DLGAP1: variants seen among roughly 807,000 people sequenced by gnomAD.
The protein encoded by DLGAP1 is DLG associated protein 1.
A neutral mutation model predicts 90.8 loss-of-function variants in DLGAP1; 11 were observed. That is an observed-to-expected ratio of 0.12 (90% CI 0.08 to 0.20). DLGAP1 has a LOEUF of 0.20. DLGAP1 is among the 10% of genes least tolerant of loss of function. The pLI, the probability that DLGAP1 is intolerant of heterozygous loss-of-function variation, is 1.00. For synonymous variants in DLGAP1, 558 were observed against 540.7 expected, an observed-to-expected ratio of 1.03 and a Z score of -0.44; for missense variants, 1,050 against 1,333.8, an observed-to-expected ratio of 0.79 and a Z score of 3.31.
intron 1 of DLGAP1, among the ~76,000 whole-genome samples, chr18:4,331,560 T>C (rs2080952959): frequency 6.6e-6 from 1 of 151,762 alleles, no homozygotes; most frequent in African/African-American, 2.4e-5. Flanking sequence ...CTTAAATACA[T>C]GGCATTATGA....
chr18:3,644,191 T>C (rs939472985), intron 7 of DLGAP1, among the ~76,000 whole-genome samples: 1 of 152,198 alleles, frequency 6.6e-6, no homozygotes, highest in African/African-American at 2.4e-5. Context: ...AGAGACTGTG[T>C]GGAGCAGGAA....
chr18:3,694,041 C>G (rs9964324), intron 7 of DLGAP1, among the ~76,000 whole-genome samples: 2,705 of 148,638 alleles, frequency 0.018, 88 homozygotes, highest in African/African-American at 0.067. Flanking sequence ...GCCACCCCCC[C>G]CTCAGCCCCC....
chr18:3,834,770 G>T (rs1400458386), intron 4 of DLGAP1, among the ~76,000 whole-genome samples: 1 of 152,150 alleles, frequency 6.6e-6, no homozygotes, highest in African/African-American at 2.4e-5. Flanking sequence ...TGTACTATTT[G>T]AATTTTTTTC....
chr18:3,641,234 A>G (rs2058926501), intron 7 of DLGAP1, among the ~76,000 whole-genome samples: 1 of 151,790 alleles, frequency 6.6e-6, no homozygotes, highest in South Asian at 2.1e-4. Context: ...AAGGATTCTC[A>G]GGGCAGTCAT....
intron 4 of DLGAP1, chr18:3,845,421 C>G (rs549219560): frequency 2.1e-5 from 28 of 1,361,112 alleles, no homozygotes; most frequent in Non-Finnish European, 2.5e-5. Context: ...TCATGGCTCA[C>G]AACTCAAGAT....
In DLGAP1 at chr18:4,454,531, A is replaced by G. The variant is rs1402476593; in HGVS notation, c.-267+475T>C. ...AAATGTCACCCAAAAAGCTAGTGCA[A>G]CAACTTGCTTTGCAAACGACCCAGG... is the stretch of plus-strand genomic sequence containing the variant. On this transcript the variant is annotated intron_variant, in intron 1 of 12. Coordinates refer to ENST00000315677, the MANE Select transcript of DLGAP1 (RefSeq NM_004746.4). This position sits in a 1 kb window ranked among gnomAD's most constrained non-coding sequence, Gnocchi z 4.7. 6.6e-6 allele frequency among the ~76,000 whole-genome samples: 1 copy of G among 152,160 alleles called. No homozygotes were observed. Among genetic ancestry groups the G allele is most frequent in the Non-Finnish European group, 1.5e-5 (1 of 68,030 alleles).
chr18:4,215,414 C>G (rs2077932640), intron 1 of DLGAP1, among the ~76,000 whole-genome samples: 1 of 152,110 alleles, frequency 6.6e-6, no homozygotes, highest in Non-Finnish European at 1.5e-5. Context: ...AAGATATTAA[C>G]AAATAACTAA....
intron 2 of DLGAP1, among the ~76,000 whole-genome samples, chr18:4,052,553 A>G (rs1055159927): frequency 6.6e-6 from 1 of 152,118 alleles, no homozygotes; most frequent in Non-Finnish European, 1.5e-5. Flanking sequence ...TTTCTCTCCT[A>G]GTCCTCCAGG....
chr18:3,612,530 G>A (rs561146994), intron 7 of DLGAP1, among the ~76,000 whole-genome samples: 14 of 152,256 alleles, frequency 9.2e-5, no homozygotes, highest in African/African-American at 1.9e-4. Flanking sequence ...ATGCCATCCC[G>A]TATCCATGGC....
intron 1 of DLGAP1, among the ~76,000 whole-genome samples, chr18:4,225,604 T>G (rs2078170194): frequency 6.6e-6 from 1 of 151,768 alleles, no homozygotes; most frequent in African/African-American, 2.4e-5. Flanking sequence ...TTAACAAAAA[T>G]ACTTAAATTA....
At chr18:3,843,707 A>G (rs1350127400) in intron 4 of DLGAP1, among the ~76,000 whole-genome samples, 7 of 152,352 alleles carry the variant, frequency 4.6e-5, no homozygotes, top group Non-Finnish European at 2.9e-5. Context: ...TGAGCCTCCA[A>G]TATAGTTTTA....
At chr18:3,602,593 CAAAAAAAAA>C (rs71159102) in intron 7 of DLGAP1, among the ~76,000 whole-genome samples, 211 of 66,688 alleles carry the variant, frequency 3.2e-3, no homozygotes, top group African/African-American at 0.012. Flanking sequence ...AGACTCCGTC[CAAAAAAAAA>C]AAAAAAAAAA....
chr18:4,006,333 A>G (rs944280885), intron 2 of DLGAP1, among the ~76,000 whole-genome samples: 3 of 152,210 alleles, frequency 2.0e-5, no homozygotes, highest in African/African-American at 4.8e-5. Context: ...TCTTAGAAAA[A>G]GTCCAAGAAG....
At chr18:4,201,173 G>A (rs2077599592) in intron 1 of DLGAP1, among the ~76,000 whole-genome samples, 1 of 151,706 alleles carries the variant, frequency 6.6e-6, no homozygotes, top group Non-Finnish European at 1.5e-5. Context: ...ATTTATTCTT[G>A]CTTTTGAGGC....
intron 1 of DLGAP1, among the ~76,000 whole-genome samples, chr18:4,291,297 C>G (rs1219398997): frequency 6.6e-6 from 1 of 152,162 alleles, no homozygotes; most frequent in Non-Finnish European, 1.5e-5. Flanking sequence ...ACTGGCATTT[C>G]TTTGGTTTTG....
Position 4,389,111 on chromosome 18 carries a change from C to G in DLGAP1, c.-267+65895G>C, listed in dbSNP as rs977348304. Among the ~76,000 whole-genome samples, 4 of 152,152 alleles carry G rather than the reference C, an allele frequency of 2.6e-5. No homozygotes were observed. The East Asian group carries it at 7.7e-4, about 29-fold the overall frequency. On this transcript the variant is annotated intron_variant, in intron 1 of 12. Coordinates refer to ENST00000315677, the MANE Select transcript of DLGAP1 (RefSeq NM_004746.4). ...TAACTAAAAAGTGGAAGCAACACAA[C>G]TGATCATTGATGGATGAATGGATGA...
At position 3,915,279 on chromosome 18, in the gene DLGAP1, G is replaced by A. The variant is rs541689211; in HGVS notation, c.-72-35139C>T. Among the ~76,000 whole-genome samples, 3 of 152,284 alleles carry A rather than the reference G, an allele frequency of 2.0e-5. No individual in the cohort carries two copies. The East Asian group carries it at 5.8e-4, about 29-fold the overall frequency. On this transcript the variant is annotated intron_variant, in intron 3 of 12. Coordinates refer to ENST00000315677, the MANE Select transcript of DLGAP1 (RefSeq NM_004746.4). ...TTTTACTAGTTTTATCATAAGCTGAGTTTAATAAGCTCAGCTGTGACAATT... is the reference window on the plus strand; with the variant it reads ...TTTTACTAGTTTTATCATAAGCTGAATTTAATAAGCTCAGCTGTGACAATT...
At chr18:4,344,729 C>T (rs2081271335) in intron 1 of DLGAP1, among the ~76,000 whole-genome samples, 1 of 152,128 alleles carries the variant, frequency 6.6e-6, no homozygotes, top group Admixed American at 6.5e-5. Flanking sequence ...CAAAAGGTGG[C>T]AGAGTCAGGA....
chr18:3,874,105 A>G (rs2070914209), intron 4 of DLGAP1: 3 of 1,548,314 alleles, frequency 1.9e-6, no homozygotes, highest in Admixed American at 3.9e-5. Flanking sequence ...ATCCAAATCA[A>G]CACCACACTA....
Sources: gnomAD v4.1 joint callset for allele counts (sites outside exome capture counted in the v4.1 genomes callset) on GRCh38, gnomAD v4.1.1 for gene constraint, Gnocchi (gnomAD v3.1) non-coding constraint, MANE v1.5 for transcripts, NCBI Gene and HGNC (gene_info 2026-07-23, HGNC 2026-07-21) for gene names.